Variants in ULK4 observed in about 807,000 individuals in gnomAD.
ULK4 encodes unc-51 like kinase 4, also known as inactive serine/threonine-protein kinase ULK4.
A neutral mutation model predicts 160.6 loss-of-function variants in ULK4; 133 were observed. That is an observed-to-expected ratio of 0.83 (90% CI 0.72 to 0.96). The LOEUF (loss-of-function observed/expected upper bound fraction) is 0.96, where lower values mean the gene tolerates loss of function less well. Among genes scored for constraint, ULK4 ranks in the 40% least tolerant of loss-of-function variants. The probability of loss-of-function intolerance (pLI) is 0.00; values close to 1 mark genes in which losing one functional copy is unlikely to be tolerated. For missense variants in ULK4, 1,580 were observed against 1,499.5 expected (o/e 1.05, Z -0.89); for synonymous variants, 534 against 539.8 (o/e 0.99, Z 0.15).
intron 29 of ULK4, among the ~76,000 whole-genome samples, chr3:41,677,157 C>T (rs1014359173): frequency 1.3e-5 from 2 of 152,032 alleles, no homozygotes; most frequent in Non-Finnish European, 2.9e-5. Flanking sequence ...GATCCACCCA[C>T]CTTGGCCTCC....
intron 5 of ULK4, among the ~76,000 whole-genome samples, chr3:41,928,971 C>T (rs1242242211): frequency 1.3e-5 from 2 of 152,022 alleles, no homozygotes; most frequent in Non-Finnish European, 2.9e-5. Flanking sequence ...AAGAGGGACT[C>T]CTGCTTACTA....
chr3:41,785,062 C>A (rs2039961355), intron 21 of ULK4, among the ~76,000 whole-genome samples: 1 of 152,002 alleles, frequency 6.6e-6, no homozygotes, highest in Non-Finnish European at 1.5e-5. Context: ...AACAATCAAG[C>A]AACATTAAGG....
At chr3:41,890,751 G>A (rs115163315) in intron 16 of ULK4, among the ~76,000 whole-genome samples, 162 of 1,862 alleles carry the variant, frequency 0.087, no homozygotes, top group South Asian at 0.23. Flanking sequence ...CAGGAGGGAC[G>A]GGAGGGACGG....
At position 41,291,360 on chromosome 3, in the gene ULK4, G is replaced by A. The variant is rs527918330; in HGVS notation, c.3679-41786C>T. Reference sequence around the variant, plus strand: ...AGAAGGAAGGAAGGAGAAAGAGAAAGAAAAAGTAAAGAAGAAAGGAAGGAA... The same window carrying A: ...AGAAGGAAGGAAGGAGAAAGAGAAAAAAAAAGTAAAGAAGAAAGGAAGGAA... On this transcript the variant is annotated intron_variant, in intron 35 of 36. Transcript: ENST00000301831. Among the ~76,000 whole-genome samples, 85 of 143,570 alleles carry A rather than the reference G, an allele frequency of 5.9e-4. 1 individual carries two copies. In the South Asian group the frequency reaches 0.011, roughly 19 times the overall value. 94.2% of individuals were successfully genotyped at this position (143,570 alleles called of 152,430 possible).
intron 27 of ULK4, among the ~76,000 whole-genome samples, chr3:41,684,815 A>G (rs930400477): frequency 2.0e-5 from 3 of 152,252 alleles, no homozygotes; most frequent in Non-Finnish European, 4.4e-5. Context: ...AACTAATTTC[A>G]TCATTAAAAG....
intron 35 of ULK4, among the ~76,000 whole-genome samples, chr3:41,306,466 A>T (rs2079938430): frequency 7.6e-6 from 1 of 131,688 alleles, no homozygotes. Flanking sequence ...CCCATCTGGG[A>T]GGGAGGTGGG....
intron 1 of ULK4, among the ~76,000 whole-genome samples, chr3:41,958,057 A>C (rs4459873): frequency 0.015 from 2,322 of 151,884 alleles, 60 homozygotes; most frequent in African/African-American, 0.054. Context: ...AAAAAAAAAA[A>C]AAAACCTTGT....
At chr3:41,781,736 C>T (rs535299093) in intron 21 of ULK4, among the ~76,000 whole-genome samples, 1 of 152,190 alleles carries the variant, frequency 6.6e-6, no homozygotes, top group Admixed American at 6.5e-5. Context: ...GTCAGGAGTT[C>T]GAGACCAGCC....
chr3:41,449,517 A>G (rs773033137), intron 34 of ULK4, among the ~76,000 whole-genome samples: 17 of 152,052 alleles, frequency 1.1e-4, no homozygotes, highest in Admixed American at 3.3e-4. Flanking sequence ...AAAATCCCCA[A>G]TCTCTTGGGT....
chr3:41,651,205 T>C (rs1172616817), intron 30 of ULK4, among the ~76,000 whole-genome samples: 1 of 152,186 alleles, frequency 6.6e-6, no homozygotes, highest in Non-Finnish European at 1.5e-5. Flanking sequence ...TGTTATTCTC[T>C]CCTTCTTAAA....
intron 32 of ULK4, among the ~76,000 whole-genome samples, chr3:41,495,523 G>A (rs2084953947): frequency 6.6e-6 from 1 of 151,416 alleles, no homozygotes; most frequent in Admixed American, 6.6e-5. Flanking sequence ...CATGGGCAAG[G>A]ACTTCATGTC....
intron 5 of ULK4, 99 bp downstream of exon 5, chr3:41,931,745 T>A: frequency 1.4e-6 from 2 of 1,413,530 alleles, no homozygotes; most frequent in Non-Finnish European, 1.9e-6. Flanking sequence ...AATATCTTAT[T>A]TGAGTGGCAA....
At chr3:41,470,041 A>AAC (rs2083944274) in intron 32 of ULK4, among the ~76,000 whole-genome samples, 1 of 148,250 alleles carries the variant, frequency 6.7e-6, no homozygotes, top group Non-Finnish European at 1.5e-5. Context: ...AAAAAAAAAA[A>AAC]AAAAACAAAG....
At chr3:41,561,411 A>C (rs575303582) in intron 32 of ULK4, among the ~76,000 whole-genome samples, 1 of 152,230 alleles carries the variant, frequency 6.6e-6, no homozygotes, top group Admixed American at 6.5e-5. Context: ...TTCTCTTTCT[A>C]TTTATTGGAA....
At chr3:41,305,419 G>A (rs1331390083) in intron 35 of ULK4, among the ~76,000 whole-genome samples, 7 of 152,216 alleles carry the variant, frequency 4.6e-5, no homozygotes, top group African/African-American at 9.6e-5. Context: ...ACGGGGTTTC[G>A]CTGTGTTGGC....
intron 22 of ULK4, among the ~76,000 whole-genome samples, chr3:41,742,133 G>A (rs2125881544): frequency 6.6e-6 from 1 of 150,718 alleles, no homozygotes; most frequent in South Asian, 2.1e-4. Flanking sequence ...GTGGGACCAT[G>A]GGAATTTTAT....
At chr3:41,931,470 T>TAAATAAAAA (rs55969147) in intron 5 of ULK4, among the ~76,000 whole-genome samples, 1 of 126,978 alleles carries the variant, frequency 7.9e-6, no homozygotes, top group East Asian at 2.2e-4. Context: ...CCCTAGAACT[T>TAAATAAAAA]AAAAAAAAAA....
At chr3:41,734,512 T>C (rs2037959193) in intron 22 of ULK4, among the ~76,000 whole-genome samples, 1 of 152,042 alleles carries the variant, frequency 6.6e-6, no homozygotes, top group African/African-American at 2.4e-5. Context: ...TAAGTGTATA[T>C]CAGCACATAG....
intron 14 of ULK4, among the ~76,000 whole-genome samples, chr3:41,897,957 A>G (rs1298546071): frequency 1.3e-5 from 2 of 152,208 alleles, no homozygotes; most frequent in African/African-American, 4.8e-5. Context: ...CATTAGCTCA[A>G]CAGAAATGTA....
Sources: allele counts gnomAD v4.1 joint callset (sites outside exome capture counted in the v4.1 genomes callset), GRCh38; gene constraint gnomAD v4.1.1; transcripts MANE v1.5; gene names NCBI Gene and HGNC (gene_info 2026-07-23, HGNC 2026-07-21).